Variants in ADAMTS3 observed in about 807,000 individuals in gnomAD.
The protein encoded by ADAMTS3 is ADAM metallopeptidase with thrombospondin type 1 motif 3.
ADAMTS3 carries 73 observed loss-of-function variants against 129.0 expected under a neutral mutation model. The ratio of observed to expected loss-of-function variants is 0.57; its 90% CI spans 0.47 to 0.69. The LOEUF is 0.69. Among genes scored for constraint, ADAMTS3 ranks in the 30% least tolerant of loss-of-function variants. ADAMTS3 has a pLI of 0.00. For missense variants in ADAMTS3, 1,457 were observed against 1,514.5 expected, an observed-to-expected ratio of 0.96 and a Z score of 0.63; for synonymous variants, 477 against 510.8, an observed-to-expected ratio of 0.93 and a Z score of 0.89.
rs1225324029 is a variant in ADAMTS3, at chr4:72,517,482, A to G, written c.504+30996T>C. On this transcript the variant is annotated intron_variant, in intron 3 of 21. Transcript: ENST00000286657. ...ATCTGGTCCTGGACTCTTTTTGGTTAGTAAGCTATTGATTATTGCCACAAT... is the reference window on the plus strand; with the variant it reads ...ATCTGGTCCTGGACTCTTTTTGGTTGGTAAGCTATTGATTATTGCCACAAT... Among the ~76,000 whole-genome samples, 21 of 152,166 alleles carry G rather than the reference A, an allele frequency of 1.4e-4. No individual in the cohort carries two copies. In the East Asian group the frequency reaches 2.1e-3, roughly 15 times the overall value.
At chr4:72,288,964 AC>A (rs1560459429) in intron 20 of ADAMTS3, 96 bp from the exon 21 acceptor site, 4 of 761,080 alleles carry the variant, frequency 5.3e-6, no homozygotes, top group Non-Finnish European at 9.0e-6. Context: ...ACACACACAC[AC>A]ACAAAGACAC....
At chr4:72,562,153 A>G (rs912119303) in intron 2 of ADAMTS3, among the ~76,000 whole-genome samples, 56 of 152,214 alleles carry the variant, frequency 3.7e-4, no homozygotes, top group African/African-American at 1.3e-3. Context: ...TAGAAAAATT[A>G]CGAATTCGCT....
At chr4:72,308,096 G>A (rs994414719) in intron 15 of ADAMTS3, among the ~76,000 whole-genome samples, 1 of 151,864 alleles carries the variant, frequency 6.6e-6, no homozygotes, top group Admixed American at 6.6e-5. Context: ...AGAATAAAAT[G>A]TAACTCCAAG....
chr4:72,408,603 G>A (rs1429831908), intron 4 of ADAMTS3, among the ~76,000 whole-genome samples: 2 of 151,382 alleles, frequency 1.3e-5, no homozygotes, highest in African/African-American at 2.4e-5. Context: ...AAATAAAAAT[G>A]ATGAAACAAA....
chr4:72,377,364 G>C, intron 4 of ADAMTS3, among the ~76,000 whole-genome samples: 1 of 152,262 alleles, frequency 6.6e-6, no homozygotes, highest in South Asian at 2.1e-4. Context: ...CCGTGTAAAT[G>C]AATATAAGAT....
intron 2 of ADAMTS3, among the ~76,000 whole-genome samples, chr4:72,566,810 C>T (rs1314778467): frequency 2.0e-5 from 3 of 152,038 alleles, no homozygotes; most frequent in African/African-American, 4.8e-5. Context: ...AGAATCTCCA[C>T]ACCATCAGAA....
At chr4:72,320,621 G>A (rs1249058530) in intron 7 of ADAMTS3, 93 bp downstream of exon 7, 1 of 1,320,922 alleles carries the variant, frequency 7.6e-7, no homozygotes, top group Non-Finnish European at 1.1e-6. Context: ...AAGCAGTGGT[G>A]GAGAGCAGAA....
At chr4:72,507,125 A>G (rs1720183008) in intron 3 of ADAMTS3, among the ~76,000 whole-genome samples, 1 of 152,140 alleles carries the variant, frequency 6.6e-6, no homozygotes, top group South Asian at 2.1e-4. Context: ...CTGCATATAT[A>G]AGTGTGTATA....
chr4:72,476,482 T>A (rs1335984886), intron 3 of ADAMTS3, among the ~76,000 whole-genome samples: 1 of 151,886 alleles, frequency 6.6e-6, no homozygotes, highest in Non-Finnish European at 1.5e-5. Flanking sequence ...ACTTAAAAAA[T>A]CCCAAAAAAG....
intron 3 of ADAMTS3, among the ~76,000 whole-genome samples, chr4:72,431,331 T>A (rs1722693914): frequency 6.6e-6 from 1 of 151,934 alleles, no homozygotes; most frequent in Non-Finnish European, 1.5e-5. Context: ...CCATTAAAGC[T>A]AAAATACTAG....
chr4:72,530,056 AATATGTT>A (rs372959579), intron 3 of ADAMTS3, among the ~76,000 whole-genome samples: 132 of 2,504 alleles, frequency 0.053, 47 homozygotes, highest in African/African-American at 0.22. Flanking sequence ...ATTTATATAT[AATATGTT>A]ATATATAACA....
At chr4:72,431,364 A>G (rs1341033091) in intron 3 of ADAMTS3, among the ~76,000 whole-genome samples, 1 of 152,030 alleles carries the variant, frequency 6.6e-6, no homozygotes, top group African/African-American at 2.4e-5. Context: ...ACCAGTAAAC[A>G]GGTAAATAAA....
chr4:72,495,287 A>G (rs1244112713), intron 3 of ADAMTS3, among the ~76,000 whole-genome samples: 3 of 152,166 alleles, frequency 2.0e-5, no homozygotes, highest in Non-Finnish European at 2.9e-5. Context: ...TGGGGTCTAT[A>G]GAGTCATTGT....
At chr4:72,387,635 G>C (rs1275395798) in intron 4 of ADAMTS3, among the ~76,000 whole-genome samples, 2 of 152,078 alleles carry the variant, frequency 1.3e-5, no homozygotes, top group Non-Finnish European at 1.5e-5. Context: ...CTAGATATGG[G>C]GCACAAGGCT....
At chr4:72,528,993 T>A (rs897688270) in intron 3 of ADAMTS3, among the ~76,000 whole-genome samples, 4 of 152,108 alleles carry the variant, frequency 2.6e-5, no homozygotes, top group Non-Finnish European at 5.9e-5. Context: ...AAAGCACCAA[T>A]ATACGGTAGA....
At chr4:72,431,776 T>C (rs1283187357) in intron 3 of ADAMTS3, among the ~76,000 whole-genome samples, 1 of 151,888 alleles carries the variant, frequency 6.6e-6, no homozygotes, top group Non-Finnish European at 1.5e-5. Flanking sequence ...TGAAGGGATA[T>C]AACTATTTGG....
At chr4:72,337,957 A>T (rs968740665) in intron 5 of ADAMTS3, among the ~76,000 whole-genome samples, 1 of 152,146 alleles carries the variant, frequency 6.6e-6, no homozygotes, top group African/African-American at 2.4e-5. Flanking sequence ...TCCAGATAGT[A>T]GAAAAAAAGT....
chr4:72,458,315 T>G (rs75965444), intron 3 of ADAMTS3, among the ~76,000 whole-genome samples: 2 of 151,390 alleles, frequency 1.3e-5, no homozygotes, highest in African/African-American at 4.8e-5. Context: ...GTCTTTAAAA[T>G]ATGGCCATTT....
At position 72,548,820 on chromosome 4, in the gene ADAMTS3, T is replaced by C. The variant is rs760182820; in HGVS notation, c.162A>G (p.Gly54=). 10 of 1,613,840 alleles carry C rather than the reference T, an allele frequency of 6.2e-6. No homozygotes were observed. The Admixed American group carries it at 1.7e-4, about 27-fold the overall frequency. Residue 54 remains glycine, a synonymous_variant, in exon 3 of 22, where the codon GGA becomes GGG. Coordinates refer to ENST00000286657, the MANE Select transcript of ADAMTS3 (RefSeq NM_014243.3). ...CAGAAAGAGTATGGGAGAGATAGCGTCCTTCTAGATTTGTGCTGACTGGAG... is the reference window on the plus strand; with the variant it reads ...CAGAAAGAGTATGGGAGAGATAGCGCCCTTCTAGATTTGTGCTGACTGGAG... ...LVTPVSTNLE[G]RYLSHTLSAS... is the part of the protein sequence containing the mutation.
Sources: allele counts gnomAD v4.1 joint callset (sites outside exome capture counted in the v4.1 genomes callset), GRCh38; gene constraint gnomAD v4.1.1; transcripts MANE v1.5; gene names NCBI Gene and HGNC (gene_info 2026-07-23, HGNC 2026-07-21).